MGAT4C: variants seen among roughly 807,000 people sequenced by gnomAD.
MGAT4C encodes the protein MGAT4 family member C, also known as alpha-1,3-mannosyl-glycoprotein 4-beta-N-acetylglucosaminyltransferase C.
A neutral mutation model predicts 40.1 loss-of-function variants in MGAT4C; 19 were observed. That is an observed-to-expected ratio of 0.47 (90% CI 0.33 to 0.70). The LOEUF is 0.70. Ranked by LOEUF, MGAT4C falls within the 30% of genes least tolerant of loss-of-function variation. The pLI is 0.02. For synonymous variants in MGAT4C, 181 were observed against 187.1 expected (o/e 0.97, Z 0.27); for missense variants, 491 against 563.2 (o/e 0.87, Z 1.30).
intron 4 of MGAT4C, among the ~76,000 whole-genome samples, chr12:86,310,232 G>A (rs1403458584): frequency 6.6e-6 from 1 of 152,072 alleles, no homozygotes; most frequent in African/African-American, 2.4e-5. Context: ...AATGTGGCCA[G>A]TGTTTCATTT....
chr12:86,180,255 T>C (rs1295148059), intron 1 of MGAT4C, among the ~76,000 whole-genome samples: 2 of 152,146 alleles, frequency 1.3e-5, no homozygotes, highest in African/African-American at 4.8e-5. Context: ...TCAGAAGATG[T>C]ATGGAAATGC....
Position 85,980,078 on chromosome 12 carries a change from A to C in MGAT4C, c.648T>G (p.Thr216=), listed in dbSNP as rs2136682798. The C allele has an allele frequency of 6.2e-7, 1 of 1,613,808 alleles. No homozygotes were observed. The highest frequency in any genetic ancestry group is 1.1e-5 in the South Asian group (1 of 91,076). Residue 216 remains threonine (T), a synonymous_variant, in exon 5 of 5, where the codon ACT becomes ACG. Transcript: ENST00000611864. ...YAFLLNFCAN[T]SDYYVMLEDD... is the part of the protein sequence containing the mutation. The stretch of plus-strand genomic sequence containing the variant: ...CTTCAAGCATTACATAATAGTCTGA[A>C]GTATTGGCACAAAAATTAAGCAGAA...
chr12:86,429,750 T>C (rs1956997543), intron 3 of MGAT4C, among the ~76,000 whole-genome samples: 2 of 152,198 alleles, frequency 1.3e-5, no homozygotes, highest in South Asian at 4.1e-4. Flanking sequence ...ATATGACTTG[T>C]TGTGCTTCTC....
intron 2 of MGAT4C, among the ~76,000 whole-genome samples, chr12:86,725,655 A>T (rs1471561709): frequency 2.6e-5 from 4 of 151,746 alleles, no homozygotes; most frequent in Non-Finnish European, 4.4e-5. Context: ...TAGAGATGGG[A>T]TTTCACCGTG....
intron 1 of MGAT4C, among the ~76,000 whole-genome samples, chr12:86,079,639 A>C (rs1271735273): frequency 6.6e-6 from 1 of 152,104 alleles, no homozygotes; most frequent in Non-Finnish European, 1.5e-5. Flanking sequence ...TTCCCTGGAA[A>C]ATTACCCTGA....
chr12:86,738,764 G>A (rs1180575795), intron 1 of MGAT4C, among the ~76,000 whole-genome samples: 1 of 151,042 alleles, frequency 6.6e-6, no homozygotes, highest in Non-Finnish European at 1.5e-5. Context: ...AATAAATTAA[G>A]TCCAAGACTG....
chr12:86,012,280 C>G (rs1044131496), intron 2 of MGAT4C, among the ~76,000 whole-genome samples: 2 of 152,174 alleles, frequency 1.3e-5, no homozygotes, highest in Non-Finnish European at 2.9e-5. Flanking sequence ...AAAACAGCTT[C>G]ATCACAAGTT....
rs113039502 is a variant in MGAT4C, at chr12:86,489,455, T to C, written c.-228-54190A>G. 3.3e-3 allele frequency among the ~76,000 whole-genome samples: 500 copies of C among 152,264 alleles called. 2 individuals are homozygous for C. Among genetic ancestry groups the C allele is most frequent in the African/African-American group, 0.012 (483 of 41,576 alleles). On this transcript the variant is annotated intron_variant, in intron 2 of 7. Coordinates refer to the MGAT4C transcript ENST00000548651. ...CTAAAAGGCTGTCACACTAGCCCTT[T>C]CCTCTTGCTGCCAGAGGGCAGCTGC...
chr12:86,435,272 A>T (rs1203257308), intron 2 of MGAT4C: 1 of 151,842 alleles, frequency 6.6e-6, no homozygotes, highest in Non-Finnish European at 1.5e-5. Context: ...GTTCCTGCAC[A>T]AAAAAACAGT....
intron 1 of MGAT4C, among the ~76,000 whole-genome samples, chr12:86,810,330 T>C (rs867283398): frequency 1.3e-5 from 2 of 151,944 alleles, no homozygotes; most frequent in Admixed American, 6.6e-5. Flanking sequence ...TATTTCTCTA[T>C]CTTGCCTTAT....
chr12:86,190,936 G>C (rs1186975493), intron 1 of MGAT4C, among the ~76,000 whole-genome samples: 1 of 152,016 alleles, frequency 6.6e-6, no homozygotes, highest in Non-Finnish European at 1.5e-5. Flanking sequence ...CTGTAACTTA[G>C]AAATCATTTC....
At chr12:86,809,390 A>C (rs1443390400) in intron 1 of MGAT4C, among the ~76,000 whole-genome samples, 1 of 152,010 alleles carries the variant, frequency 6.6e-6, no homozygotes, top group Non-Finnish European at 1.5e-5. Context: ...TTTTTTGAGA[A>C]GATAAGTTTT....
At chr12:86,837,333 A>T (rs1953057728) in intron 1 of MGAT4C, among the ~76,000 whole-genome samples, 1 of 152,166 alleles carries the variant, frequency 6.6e-6, no homozygotes, top group Admixed American at 6.6e-5. Flanking sequence ...TGCCTTTTAC[A>T]ATCCCTGTGA....
At chr12:86,222,006 A>G (rs1437372511) in intron 1 of MGAT4C, among the ~76,000 whole-genome samples, 1 of 152,228 alleles carries the variant, frequency 6.6e-6, no homozygotes, top group East Asian at 1.9e-4. Context: ...ATCTTAAATA[A>G]TTGTTGACTG....
intron 1 of MGAT4C, among the ~76,000 whole-genome samples, chr12:86,225,816 G>T (rs763822643): frequency 6.6e-6 from 1 of 152,006 alleles, no homozygotes; most frequent in Non-Finnish European, 1.5e-5. Context: ...GGCCAAATAT[G>T]ACACACCCAC....
At chr12:86,314,273 T>C (rs1052992026) in intron 4 of MGAT4C, among the ~76,000 whole-genome samples, 4 of 152,128 alleles carry the variant, frequency 2.6e-5, no homozygotes, top group African/African-American at 7.2e-5. Flanking sequence ...GGATAAGAGA[T>C]AGGCTGGGCG....
intron 1 of MGAT4C, among the ~76,000 whole-genome samples, chr12:86,834,374 G>A (rs1365228545): frequency 6.6e-6 from 1 of 151,840 alleles, no homozygotes; most frequent in Non-Finnish European, 1.5e-5. Context: ...GACAGAAGAA[G>A]AAAGTAGGTG....
intron 2 of MGAT4C, among the ~76,000 whole-genome samples, chr12:86,027,621 C>G (rs1275355649): frequency 6.6e-6 from 1 of 151,728 alleles, no homozygotes. Context: ...AATTGTGGTC[C>G]AGTTAAAATA....
At chr12:86,443,027 G>A (rs1302434203) in intron 2 of MGAT4C, among the ~76,000 whole-genome samples, 1 of 151,980 alleles carries the variant, frequency 6.6e-6, no homozygotes, top group Non-Finnish European at 1.5e-5. Context: ...CTATTCCAAG[G>A]TTAATATATT....
Sources: gnomAD v4.1 joint callset for allele counts (sites outside exome capture counted in the v4.1 genomes callset) on GRCh38, gnomAD v4.1.1 for gene constraint, MANE v1.5 for transcripts, NCBI Gene and HGNC (gene_info 2026-07-23, HGNC 2026-07-21) for gene names.